The following PTPRG variants were observed in gnomAD, a reference collection of about 807,000 sequenced individuals.
PTPRG encodes protein tyrosine phosphatase receptor type G.
Under a neutral mutation model 165.3 loss-of-function variants are expected in PTPRG, and 102 were observed. The ratio of observed to expected loss-of-function variants is 0.62; its 90% CI spans 0.53 to 0.73. The LOEUF (loss-of-function observed/expected upper bound fraction) is 0.73. PTPRG is among the 30% of genes least tolerant of loss of function. The pLI is 0.00. For synonymous variants in PTPRG, 675 were observed against 669.5 expected (o/e 1.01, Z -0.13); for missense variants, 1,866 against 1,861.4 (o/e 1.00, Z -0.05).
intron 12 of PTPRG, among the ~76,000 whole-genome samples, chr3:62,212,056 C>T (rs543900870): frequency 5.9e-5 from 9 of 151,640 alleles, no homozygotes; most frequent in South Asian, 2.1e-4. Context: ...AAAGGCTGTA[C>T]GGAGAGAAAG....
At chr3:61,725,333 A>G (rs189225014) in intron 1 of PTPRG, among the ~76,000 whole-genome samples, 2 of 152,132 alleles carry the variant, frequency 1.3e-5, no homozygotes, top group Non-Finnish European at 2.9e-5. Flanking sequence ...GGCCAGGCTG[A>G]TCTGGAGCTC....
intron 6 of PTPRG, among the ~76,000 whole-genome samples, chr3:62,154,002 T>C (rs1004683672): frequency 1.3e-5 from 2 of 152,252 alleles, no homozygotes; most frequent in Admixed American, 6.5e-5. Flanking sequence ...CTCTGTATTC[T>C]TCACATGTTT....
intron 4 of PTPRG, among the ~76,000 whole-genome samples, chr3:62,047,703 C>G (rs1700341885): frequency 6.6e-6 from 1 of 152,172 alleles, no homozygotes; most frequent in African/African-American, 2.4e-5. Flanking sequence ...TCATTTAATG[C>G]TGGATGTCAA....
intron 5 of PTPRG, chr3:62,124,418 A>G: frequency 1.2e-6 from 2 of 1,613,962 alleles, no homozygotes; most frequent in East Asian, 2.2e-5. Flanking sequence ...GTGCTGCAGG[A>G]TTTCCATCTT....
rs547844621 is a variant in PTPRG at position 61,846,460 on chromosome 3, C to T, written c.190+97478C>T. ...AAAAAACACCCATCTGGATTCCCTT[C>T]CTGACTCTGAGGCTCATTGACCTTG... is the stretch of plus-strand genomic sequence containing the variant. On this transcript the variant is annotated intron_variant, in intron 2 of 29. Transcript: ENST00000474889. Among the ~76,000 whole-genome samples, 7 of 152,284 alleles carry T rather than the reference C, an allele frequency of 4.6e-5. No individual in the cohort carries two copies. The South Asian group carries it at 1.2e-3, about 27-fold the overall frequency.
chr3:62,063,789 C>T (rs1700904334), intron 4 of PTPRG, among the ~76,000 whole-genome samples: 1 of 152,154 alleles, frequency 6.6e-6, no homozygotes, highest in East Asian at 1.9e-4. Context: ...AGGTGTGAGT[C>T]ACCTCACCTG....
intron 4 of PTPRG, among the ~76,000 whole-genome samples, chr3:62,039,110 T>C (rs1700043644): frequency 6.6e-6 from 1 of 152,146 alleles, no homozygotes; most frequent in African/African-American, 2.4e-5. Flanking sequence ...AATTTTTGTA[T>C]TTTTAGTAGG....
chr3:62,147,250 G>A (rs1704155301), intron 6 of PTPRG, among the ~76,000 whole-genome samples: 1 of 152,220 alleles, frequency 6.6e-6, no homozygotes. Context: ...AGTGTGGAAT[G>A]GAGTCTTGGG....
At chr3:62,069,720 A>T (rs1416716587) in intron 4 of PTPRG, among the ~76,000 whole-genome samples, 1 of 151,492 alleles carries the variant, frequency 6.6e-6, no homozygotes, top group Non-Finnish European at 1.5e-5. Flanking sequence ...ACACACATGC[A>T]CGCACAGAGT....
intron 1 of PTPRG, among the ~76,000 whole-genome samples, chr3:61,621,079 A>G (rs557055321): frequency 0.032 from 3,400 of 105,126 alleles, 121 homozygotes; most frequent in African/African-American, 0.1. Flanking sequence ...GTGTGTGTGT[A>G]TATTTATTTA....
chr3:61,779,621 C>T (rs1234967443), intron 2 of PTPRG, among the ~76,000 whole-genome samples: 1 of 152,152 alleles, frequency 6.6e-6, no homozygotes. Context: ...GGTAGATATC[C>T]TACCAAACCT....
Position 61,845,403 on chromosome 3 carries a change from G to C in PTPRG, c.190+96421G>C, listed in dbSNP as rs531717811. On this transcript the variant is annotated intron_variant, in intron 2 of 29. Coordinates refer to ENST00000474889, the MANE Select transcript of PTPRG (RefSeq NM_002841.4). ...GTGGCCTCTTGAGGCAAACAGCAGAGACTGTTGCTTTAGGCAGCCAAAGGC... is the reference window on the plus strand; with the variant it reads ...GTGGCCTCTTGAGGCAAACAGCAGACACTGTTGCTTTAGGCAGCCAAAGGC... 5.3e-5 allele frequency among the ~76,000 whole-genome samples: 8 copies of C among 152,300 alleles called. No homozygotes were observed. In the East Asian group the frequency reaches 1.5e-3, roughly 29 times the overall value.
At chr3:61,891,041 T>G (rs2038199690) in intron 2 of PTPRG, among the ~76,000 whole-genome samples, 1 of 152,170 alleles carries the variant, frequency 6.6e-6, no homozygotes, top group Non-Finnish European at 1.5e-5. Context: ...TTTTTAAGGC[T>G]GGTTGCGGTG....
At chr3:62,067,037 T>TGAAAAAAAAAAAA (rs759567324) in intron 4 of PTPRG, among the ~76,000 whole-genome samples, 1 of 48,154 alleles carries the variant, frequency 2.1e-5, no homozygotes. Flanking sequence ...AGATTCTGAC[T>TGAAAAAAAAAAAA]CAAAAAAAAA....
intron 5 of PTPRG, among the ~76,000 whole-genome samples, chr3:62,123,239 G>A (rs933772007): frequency 1.1e-4 from 17 of 152,094 alleles, no homozygotes; most frequent in African/African-American, 3.6e-4. Flanking sequence ...TTCCTCAAGG[G>A]CTATTTGACT....
intron 2 of PTPRG, among the ~76,000 whole-genome samples, chr3:61,792,978 C>T (rs547860086): frequency 2.4e-4 from 37 of 152,204 alleles, no homozygotes; most frequent in Non-Finnish European, 4.3e-4. Flanking sequence ...CTGGCCACTT[C>T]GGCCTTCCAA....
chr3:62,081,584 A>G (rs1701582912), intron 5 of PTPRG, among the ~76,000 whole-genome samples: 1 of 152,124 alleles, frequency 6.6e-6, no homozygotes. Flanking sequence ...GGCTCAAGTG[A>G]TGCTCCTGCC....
chr3:62,128,984 A>G (rs1399566404), intron 5 of PTPRG, among the ~76,000 whole-genome samples: 1 of 152,126 alleles, frequency 6.6e-6, no homozygotes, highest in African/African-American at 2.4e-5. Context: ...GAATGAGCTC[A>G]GTATTATTAG....
At chr3:62,070,791 C>T (rs1009925468) in intron 4 of PTPRG, among the ~76,000 whole-genome samples, 2 of 152,162 alleles carry the variant, frequency 1.3e-5, no homozygotes, top group African/African-American at 4.8e-5. Context: ...CACTTCACAT[C>T]TTTATTCTTA....
Sources: gnomAD v4.1 joint callset for allele counts (sites outside exome capture counted in the v4.1 genomes callset) on GRCh38, gnomAD v4.1.1 for gene constraint, MANE v1.5 for transcripts, NCBI Gene and HGNC (gene_info 2026-07-23, HGNC 2026-07-21) for gene names.